CYRIB: variants seen among roughly 807,000 people sequenced by gnomAD.
CYRIB encodes the protein CYFIP related Rac1 interactor B, also known as CYFIP-related Rac1 interactor B.
A neutral mutation model predicts 44.2 loss-of-function variants in CYRIB; 8 were observed. The ratio of observed to expected loss-of-function variants is 0.18; its 90% confidence interval spans 0.11 to 0.33. The LOEUF (loss-of-function observed/expected upper bound fraction) is 0.33. Ranked by LOEUF, CYRIB falls within the 10% of genes least tolerant of loss-of-function variation. The pLI is 1.00. For synonymous variants in CYRIB, 131 were observed against 127.2 expected, an observed-to-expected ratio of 1.03 and a Z score of -0.20; for missense variants, 185 against 382.8, an observed-to-expected ratio of 0.48 and a Z score of 4.31.
chr8:129,999,720 C>T (rs73398791), intron 1 of CYRIB, among the ~76,000 whole-genome samples: 2,190 of 152,326 alleles, frequency 0.014, 50 homozygotes, highest in African/African-American at 0.051. Flanking sequence ...CTCGACCTCC[C>T]GGTTCATGCA....
upstream of CYRIB, among the ~76,000 whole-genome samples, chr8:129,943,876 A>G (rs1388663241): frequency 8.8e-5 from 13 of 147,062 alleles, no homozygotes; most frequent in African/African-American, 2.3e-4. Context: ...TGGGATTACA[A>G]GCGTGAGCCA....
At chr8:129,869,963 G>C (rs1025587034) in intron 4 of CYRIB, among the ~76,000 whole-genome samples, 5 of 151,190 alleles carry the variant, frequency 3.3e-5, no homozygotes, top group Non-Finnish European at 3.0e-5. Context: ...GAGGAAGTAG[G>C]AGATTATGGG....
chr8:129,848,047 C>T (rs2041199283), intron 10 of CYRIB, among the ~76,000 whole-genome samples: 1 of 152,134 alleles, frequency 6.6e-6, no homozygotes, highest in Admixed American at 6.5e-5. Flanking sequence ...CTTAGGTGAT[C>T]CGCCTGCCTC....
At chr8:129,851,808 C>CA (rs1025650113) in intron 8 of CYRIB, 251 of 154,696 alleles carry the variant, frequency 1.6e-3, no homozygotes, top group East Asian at 4.1e-3. Flanking sequence ...AACTCTGTCT[C>CA]AAAAAAAAAA....
intron 5 of CYRIB, 120 bp from the exon 8 acceptor site, chr8:129,855,867 A>T (rs2045960822): frequency 1.1e-6 from 1 of 894,936 alleles, no homozygotes; most frequent in Admixed American, 2.9e-5. Context: ...AAAACAGATG[A>T]TCTAAACATA....
chr8:129,993,864 A>G (rs2096706366), intron 1 of CYRIB, among the ~76,000 whole-genome samples: 1 of 141,186 alleles, frequency 7.1e-6, no homozygotes, highest in Non-Finnish European at 1.6e-5. Context: ...CCTGTCTCAA[A>G]AAAAAAAAAA....
At chr8:129,936,372 T>G (rs1026014894) in intron 1 of CYRIB, among the ~76,000 whole-genome samples, 1 of 152,128 alleles carries the variant, frequency 6.6e-6, no homozygotes, top group African/African-American at 2.4e-5. Flanking sequence ...CATTACAGAG[T>G]TGTTATAAAA....
chr8:129,968,040 C>T (rs184952349), intron 2 of CYRIB, among the ~76,000 whole-genome samples: 1 of 152,302 alleles, frequency 6.6e-6, no homozygotes, highest in Admixed American at 6.5e-5. Flanking sequence ...AATCCCAGAT[C>T]CATCACTTAC....
At position 129,896,243 on chromosome 8, in the gene CYRIB, C is replaced by G. The variant is rs147006280; in HGVS notation, c.-11+7069G>C. ...TTTATCCAAAAAGAGAATACCTAAA[C>G]TAAGGGCATCCCATAAAAAGAGTAG... On this transcript the variant is annotated intron_variant, in intron 2 of 11. Transcript: ENST00000519824. Among the ~76,000 whole-genome samples the G allele has an allele frequency of 7.6e-3, 1,157 of 152,240 alleles. 14 individuals are homozygous for G. Among genetic ancestry groups the G allele is most frequent in the African/African-American group, 0.026 (1,083 of 41,536 alleles).
intron 2 of CYRIB, among the ~76,000 whole-genome samples, chr8:129,884,777 C>T (rs1361977296): frequency 6.6e-6 from 1 of 152,078 alleles, no homozygotes; most frequent in Non-Finnish European, 1.5e-5. Flanking sequence ...ACTAAATAAG[C>T]TAAAAATAAA....
At chr8:129,890,386 T>TA (rs2134736381) in intron 2 of CYRIB, 1 of 152,336 alleles carries the variant, frequency 6.6e-6, no homozygotes, top group South Asian at 2.1e-4. Context: ...GACCCTCCAC[T>TA]AGCAAAAAGG....
chr8:129,877,388 C>T (rs753108492), intron 3 of CYRIB, among the ~76,000 whole-genome samples: 1 of 152,290 alleles, frequency 6.6e-6, no homozygotes, highest in African/African-American at 2.4e-5. Flanking sequence ...TAGCTCACAC[C>T]TGTAATCCCA....
chr8:129,873,584 G>A (rs549078925), intron 3 of CYRIB, among the ~76,000 whole-genome samples: 1 of 152,078 alleles, frequency 6.6e-6, no homozygotes, highest in South Asian at 2.1e-4. Context: ...CACGTATTTA[G>A]TTTGAATTCA....
chr8:129,854,062 G>C (rs2044800934), intron 7 of CYRIB, among the ~76,000 whole-genome samples: 1 of 152,168 alleles, frequency 6.6e-6, no homozygotes, highest in Non-Finnish European at 1.5e-5. Flanking sequence ...GTAGTTGTGG[G>C]AATTTAAGAG....
At chr8:129,956,703 G>T (rs1447772540) in intron 2 of CYRIB, among the ~76,000 whole-genome samples, 2 of 152,112 alleles carry the variant, frequency 1.3e-5, no homozygotes, top group Non-Finnish European at 2.9e-5. Flanking sequence ...GGGTCACAAT[G>T]AGCCCAGAAG....
intron 1 of CYRIB, among the ~76,000 whole-genome samples, chr8:129,917,728 G>T (rs143705763): frequency 6.6e-6 from 1 of 151,936 alleles, no homozygotes; most frequent in South Asian, 2.1e-4. Flanking sequence ...ATGGTGGCGC[G>T]TGCCTGTAAC....
intron 1 of CYRIB, chr8:129,939,599 A>T (rs556869693): frequency 4.6e-5 from 7 of 152,152 alleles, no homozygotes; most frequent in Admixed American, 3.9e-4. Context: ...GCAAAAACCA[A>T]TCACTCACCC....
At chr8:129,847,761 A>G (rs1307080538) in intron 10 of CYRIB, among the ~76,000 whole-genome samples, 1 of 152,200 alleles carries the variant, frequency 6.6e-6, no homozygotes, top group East Asian at 1.9e-4. Context: ...GAAAGAACAC[A>G]GGCTTTGGAA....
chr8:129,883,112 C>CA (rs34764499), intron 2 of CYRIB, among the ~76,000 whole-genome samples: 719 of 41,192 alleles, frequency 0.017, 37 homozygotes, highest in East Asian at 0.043. Context: ...GACTCCCTCT[C>CA]AAAAAAAAAA....
Sources: allele counts gnomAD v4.1 joint callset (sites outside exome capture counted in the v4.1 genomes callset), GRCh38; gene constraint gnomAD v4.1.1; transcripts MANE v1.5; gene names NCBI Gene and HGNC (gene_info 2026-07-23, HGNC 2026-07-21).